Variants in CNTNAP2 observed in about 807,000 individuals in gnomAD.
The protein encoded by CNTNAP2 is contactin-associated protein-like 2.
Under a neutral mutation model 155.2 loss-of-function variants are expected in CNTNAP2, and 98 were observed. The observed-to-expected ratio is 0.63, with a 90% CI of 0.54 to 0.75. The LOEUF is 0.75. Among genes scored for constraint, CNTNAP2 ranks in the 30% least tolerant of loss-of-function variants. The pLI is 0.00. For synonymous variants in CNTNAP2, 651 were observed against 631.2 expected (o/e 1.03, Z -0.47); for missense variants, 1,727 against 1,688.1 (o/e 1.02, Z -0.40).
At chr7:146,539,010 G>A (rs1253708845) in intron 1 of CNTNAP2, among the ~76,000 whole-genome samples, 4 of 151,980 alleles carry the variant, frequency 2.6e-5, no homozygotes, top group South Asian at 2.1e-4. Context: ...ATTCATACAC[G>A]TAGCCCATTT....
intron 1 of CNTNAP2, among the ~76,000 whole-genome samples, chr7:146,572,510 G>A (rs373996820): frequency 6.6e-6 from 1 of 152,042 alleles, no homozygotes; most frequent in East Asian, 1.9e-4. Flanking sequence ...ATAAAGCTGA[G>A]AAAACCATCA....
intron 15 of CNTNAP2, among the ~76,000 whole-genome samples, chr7:148,020,374 G>A (rs1408272651): frequency 6.6e-6 from 1 of 152,210 alleles, no homozygotes; most frequent in East Asian, 1.9e-4. Flanking sequence ...ACATGTTCAA[G>A]TTTACTGTAT....
At chr7:148,213,409 G>C (rs1795582202) in intron 18 of CNTNAP2, among the ~76,000 whole-genome samples, 1 of 152,178 alleles carries the variant, frequency 6.6e-6, no homozygotes. Flanking sequence ...CGCTGCACCT[G>C]TCACTCAGGT....
At chr7:147,759,962 C>G (rs1797274632) in intron 13 of CNTNAP2, among the ~76,000 whole-genome samples, 2 of 152,092 alleles carry the variant, frequency 1.3e-5, no homozygotes, top group Non-Finnish European at 2.9e-5. Flanking sequence ...TTCAGGAGGC[C>G]TGATTAGTAT....
At chr7:147,801,210 T>C (rs1563093829) in intron 13 of CNTNAP2, among the ~76,000 whole-genome samples, 1 of 152,178 alleles carries the variant, frequency 6.6e-6, no homozygotes, top group Non-Finnish European at 1.5e-5. Context: ...GTATCATTAT[T>C]ATATATCATG....
chr7:147,893,250 A>G, intron 13 of CNTNAP2, among the ~76,000 whole-genome samples: 1 of 152,332 alleles, frequency 6.6e-6, no homozygotes, highest in South Asian at 2.1e-4. Context: ...AAAGTTCTTA[A>G]TTTAAATAGT....
intron 9 of CNTNAP2, among the ~76,000 whole-genome samples, chr7:147,358,636 C>A (rs759086198): frequency 1.3e-5 from 2 of 151,766 alleles, no homozygotes; most frequent in Non-Finnish European, 2.9e-5. Flanking sequence ...AGACTTCAAC[C>A]TTAATACACA....
At chr7:146,399,422 G>A (rs546285572) in intron 1 of CNTNAP2, among the ~76,000 whole-genome samples, 17 of 152,216 alleles carry the variant, frequency 1.1e-4, no homozygotes, top group African/African-American at 4.1e-4. Context: ...AGATCATGCT[G>A]TATTTGTCTT....
intron 13 of CNTNAP2, among the ~76,000 whole-genome samples, chr7:147,858,574 G>A (rs1799082743): frequency 6.6e-6 from 1 of 152,106 alleles, no homozygotes; most frequent in Non-Finnish European, 1.5e-5. Flanking sequence ...CTTAACTCCT[G>A]GAATCTGTGA....
chr7:147,705,440 G>T (rs1327729508), intron 13 of CNTNAP2, among the ~76,000 whole-genome samples: 1 of 152,058 alleles, frequency 6.6e-6, no homozygotes, highest in African/African-American at 2.4e-5. Context: ...ATTTTTAAAA[G>T]TTTCTTCAGA....
chr7:148,405,460 G>C, intron 22 of CNTNAP2, among the ~76,000 whole-genome samples: 1 of 82,008 alleles, frequency 1.2e-5, no homozygotes, highest in Non-Finnish European at 2.2e-5. Flanking sequence ...ACGGAGTCTC[G>C]CTCTGTCGCC....
rs774637476 is a variant in CNTNAP2, at chr7:147,903,685, A to C, written c.2219A>C (p.Lys740Thr). 19 of 1,613,926 alleles carry C rather than the reference A, an allele frequency of 1.2e-5. No homozygotes were observed. The highest frequency in any genetic ancestry group is 1.2e-5 in the Non-Finnish European group (14 of 1,179,990). The change falls in exon 14 of 24, where the codon AAG (lysine) becomes ACG (threonine). Residue 740 changes from lysine to threonine, a missense_variant. Coordinates refer to ENST00000361727, the MANE Select transcript of CNTNAP2 (RefSeq NM_014141.6). The part of the protein sequence containing the change: ...CGIERNCTDP[K>T]YYCNCDADYK... ...ATCGAACGCAACTGCACAGATCCCAAGTACTACTGTAACTGCGACGCGGAC... is the reference window on the plus strand; with the variant it reads ...ATCGAACGCAACTGCACAGATCCCACGTACTACTGTAACTGCGACGCGGAC...
chr7:147,964,084 C>T (rs1216686550), intron 14 of CNTNAP2, among the ~76,000 whole-genome samples: 1 of 151,946 alleles, frequency 6.6e-6, no homozygotes, highest in Non-Finnish European at 1.5e-5. Context: ...GGCCTTAATG[C>T]GATGGGGGTG....
intron 9 of CNTNAP2, among the ~76,000 whole-genome samples, chr7:147,353,683 A>G (rs2116883036): frequency 6.6e-6 from 1 of 152,184 alleles, no homozygotes; most frequent in East Asian, 1.9e-4. Context: ...TGCTGGGTCA[A>G]ATGGTATTTC....
chr7:148,050,748 T>C (rs1399972763), intron 15 of CNTNAP2, among the ~76,000 whole-genome samples: 2 of 152,226 alleles, frequency 1.3e-5, no homozygotes, highest in Non-Finnish European at 2.9e-5. Flanking sequence ...AAGTGCCCTA[T>C]ACAGGTGTGC....
At chr7:147,052,119 T>C (rs1353832663) in intron 4 of CNTNAP2, among the ~76,000 whole-genome samples, 1 of 152,158 alleles carries the variant, frequency 6.6e-6, no homozygotes, top group Non-Finnish European at 1.5e-5. Flanking sequence ...CAAGATTCAG[T>C]TGAAATGCAG....
At chr7:146,628,629 TA>T in intron 1 of CNTNAP2, among the ~76,000 whole-genome samples, 1 of 151,866 alleles carries the variant, frequency 6.6e-6, no homozygotes, top group Non-Finnish European at 1.5e-5. Context: ...TTTTAAAAAA[TA>T]AAAAAATGAA....
chr7:147,354,709 C>T (rs1796032693), intron 9 of CNTNAP2, among the ~76,000 whole-genome samples: 1 of 152,072 alleles, frequency 6.6e-6, no homozygotes, highest in African/African-American at 2.4e-5. Context: ...AGCATTGAAT[C>T]TGTAAATTAC....
chr7:147,271,365 CT>C (rs1383147032), intron 8 of CNTNAP2, among the ~76,000 whole-genome samples: 20 of 152,108 alleles, frequency 1.3e-4, no homozygotes, highest in Admixed American at 2.0e-4. Flanking sequence ...TGTCTAATGT[CT>C]TTATATGGAG....
Sources: allele counts gnomAD v4.1 joint callset (sites outside exome capture counted in the v4.1 genomes callset), GRCh38; gene constraint gnomAD v4.1.1; transcripts MANE v1.5; gene names NCBI Gene and HGNC (gene_info 2026-07-23, HGNC 2026-07-21).